GPHN: variants seen among roughly 807,000 people sequenced by gnomAD.
GPHN encodes the protein gephyrin.
In GPHN, 17 loss-of-function variants were observed where a neutral mutation model predicts 95.5. That is an observed-to-expected ratio of 0.18 (90% CI 0.12 to 0.27). GPHN has a LOEUF of 0.27. Ranked by LOEUF, GPHN falls within the 10% of genes least tolerant of loss-of-function variation. The pLI, the probability that GPHN is intolerant of heterozygous loss-of-function variation, is 1.00. For missense variants in GPHN, 660 were observed against 978.1 expected (o/e 0.67, Z 4.34); for synonymous variants, 320 against 322.5 (o/e 0.99, Z 0.08).
intron 1 of GPHN, among the ~76,000 whole-genome samples, chr14:66,526,001 G>C (rs564903640): frequency 6.9e-6 from 1 of 144,806 alleles, no homozygotes; most frequent in Non-Finnish European, 1.5e-5. Flanking sequence ...ATTTAAAGTA[G>C]TTTTTTTTTT....
At chr14:66,633,349 C>T (rs1388467136) in intron 1 of GPHN, among the ~76,000 whole-genome samples, 1 of 152,012 alleles carries the variant, frequency 6.6e-6, no homozygotes, top group Non-Finnish European at 1.5e-5. Flanking sequence ...ATTAAGGAAT[C>T]AACAAAAAGT....
chr14:67,549,194 G>A, the GPHN span, among the ~76,000 whole-genome samples: 1 of 152,064 alleles, frequency 6.6e-6, no homozygotes, highest in Non-Finnish European at 1.5e-5. Flanking sequence ...GATCTGATTT[G>A]TTTTGGGAGA....
the GPHN span, among the ~76,000 whole-genome samples, chr14:67,547,964 C>G: frequency 6.6e-6 from 1 of 152,164 alleles, no homozygotes; most frequent in South Asian, 2.1e-4. Flanking sequence ...CCATGGTCAC[C>G]CAGCCTGCCT....
At chr14:66,761,167 G>A in intron 2 of GPHN, 1 of 335,416 alleles carries the variant, frequency 3.0e-6, no homozygotes, top group Non-Finnish European at 5.8e-6. Context: ...CAAAACATCA[G>A]ATATTACGGA....
At chr14:67,650,764 C>A in the GPHN span, 1 of 1,614,142 alleles carries the variant, frequency 6.2e-7, no homozygotes, top group Non-Finnish European at 8.5e-7. Flanking sequence ...AGTTGGCCAC[C>A]TCAGAGGAAG....
chr14:66,589,480 T>C (rs1217982397), intron 1 of GPHN, among the ~76,000 whole-genome samples: 1 of 151,154 alleles, frequency 6.6e-6, no homozygotes, highest in Non-Finnish European at 1.5e-5. Flanking sequence ...TGTGCTGTAT[T>C]TAGGAGACTG....
chr14:66,874,342 A>G (rs1157908662), intron 4 of GPHN, among the ~76,000 whole-genome samples: 1 of 152,204 alleles, frequency 6.6e-6, no homozygotes, highest in Non-Finnish European at 1.5e-5. Context: ...ACCAGAACAC[A>G]TCTTCTCTTC....
the GPHN span, among the ~76,000 whole-genome samples, chr14:67,396,655 A>C: frequency 3.0e-4 from 46 of 152,256 alleles, no homozygotes; most frequent in Non-Finnish European, 5.6e-4. Context: ...ACCTGTCCAG[A>C]ATGACTGCCT....
At chr14:67,583,140 A>T in the GPHN span, among the ~76,000 whole-genome samples, 1 of 152,156 alleles carries the variant, frequency 6.6e-6, no homozygotes, top group Non-Finnish European at 1.5e-5. Context: ...AAAGAATAAG[A>T]ATCTGGATTT....
intron 4 of GPHN, among the ~76,000 whole-genome samples, chr14:66,871,856 C>T (rs1477816612): frequency 6.6e-6 from 1 of 152,054 alleles, no homozygotes; most frequent in Non-Finnish European, 1.5e-5. Context: ...GACGGGTTGA[C>T]AGGTGCAGCA....
intron 2 of GPHN, among the ~76,000 whole-genome samples, chr14:66,712,943 T>C (rs2069798782): frequency 6.6e-6 from 1 of 152,238 alleles, no homozygotes; most frequent in African/African-American, 2.4e-5. Context: ...TGGTATATCT[T>C]CTTTTGAGAA....
chr14:67,209,547 T>G, the GPHN span, among the ~76,000 whole-genome samples: 1 of 151,894 alleles, frequency 6.6e-6, no homozygotes, highest in African/African-American at 2.4e-5. Flanking sequence ...AGGCCGGGTG[T>G]GGTGGCTCAT....
chr14:66,924,171 A>G (rs1441158734), intron 7 of GPHN, 23 bp from the exon 8 acceptor site: 4 of 1,296,666 alleles, frequency 3.1e-6, no homozygotes, highest in Non-Finnish European at 4.5e-6. Context: ...CTATATTCAT[A>G]GTTGTTATGT....
At chr14:67,576,552 G>T in the GPHN span, 1 of 906,218 alleles carries the variant, frequency 1.1e-6, no homozygotes, top group Non-Finnish European at 1.8e-6. This position sits in a 1 kb window ranked among gnomAD's most constrained non-coding sequence, Gnocchi z 4.0. Flanking sequence ...TAGTGGCTTG[G>T]TGACTATTGG....
chr14:67,158,174 G>T (rs897993277), intron 18 of GPHN, among the ~76,000 whole-genome samples: 1 of 151,752 alleles, frequency 6.6e-6, no homozygotes, highest in East Asian at 1.9e-4. Flanking sequence ...GGGCGTAGTG[G>T]TGCATGCCTG....
At chr14:67,250,740 A>C in the GPHN span, among the ~76,000 whole-genome samples, 2 of 152,348 alleles carry the variant, frequency 1.3e-5, 1 homozygote, top group Middle Eastern at 6.8e-3. Context: ...TAATCAGTAC[A>C]TACTTAGAGT....
chr14:67,340,032 C>CAAAAAAAAA, the GPHN span: 2 of 71,698 alleles, frequency 2.8e-5, no homozygotes, highest in Non-Finnish European at 6.6e-5. Context: ...CTCTGTCTCA[C>CAAAAAAAAA]AAAAAAAAAA....
the GPHN span, chr14:67,349,012 G>C: frequency 1.2e-5 from 19 of 1,604,650 alleles, no homozygotes; most frequent in African/African-American, 8.0e-5. Context: ...CTCCCCAAAG[G>C]GTTTCTAAAA....
chr14:66,542,517 CT>C (rs920357736), intron 1 of GPHN, among the ~76,000 whole-genome samples: 7 of 152,168 alleles, frequency 4.6e-5, no homozygotes, highest in Admixed American at 1.3e-4. Flanking sequence ...TTATTCTTTA[CT>C]TTTCTATAAC....
Sources: gnomAD v4.1 joint callset for allele counts (sites outside exome capture counted in the v4.1 genomes callset) on GRCh38, gnomAD v4.1.1 for gene constraint, Gnocchi (gnomAD v3.1) non-coding constraint, MANE v1.5 for transcripts, NCBI Gene and HGNC (gene_info 2026-07-23, HGNC 2026-07-21) for gene names.